Variants in KHNYN observed in about 807,000 individuals in gnomAD.
KHNYN encodes the protein KH and NYN domain containing.
KHNYN carries 42 observed loss-of-function variants against 62.7 expected under a neutral mutation model. The ratio of observed to expected loss-of-function variants is 0.67; its 90% CI spans 0.52 to 0.87. The LOEUF (loss-of-function observed/expected upper bound fraction) is 0.87. Among genes scored for constraint, KHNYN ranks in the 40% least tolerant of loss-of-function variants. KHNYN has a pLI of 0.00. For missense variants in KHNYN, 829 were observed against 874.1 expected (o/e 0.95, Z 0.65); for synonymous variants, 347 against 345.6 (o/e 1.00, Z -0.04).
In KHNYN at chr14:24,429,964, C is replaced by T. The variant is rs2043073017; in HGVS notation, c.-173C>T. On this transcript the variant is annotated 5_prime_UTR_variant, in exon 1 of 8. Coordinates refer to ENST00000553935, the MANE Select transcript of KHNYN (RefSeq NM_015299.3). ...AGTGACTCAAGAAACAGTTTGCGTG[C>T]GATGTGGACAAGAGAGGTCCCCGCT... 1.0e-6 allele frequency: 1 copy of T among 992,796 alleles called. No individual in the cohort carries two copies. The highest frequency in any genetic ancestry group is 1.2e-6 in the Non-Finnish European group (1 of 833,738). The allele number at this position is 992,796 out of a possible 1,614,324, so 61.5% of individuals were successfully genotyped here. A position where few individuals can be genotyped will look rare whatever the true frequency, so the allele number is the denominator to read the frequency against.
At position 24,432,876 on chromosome 14, in the gene KHNYN, G is replaced by A; in HGVS notation, c.1480+24G>A. The A allele has an allele frequency of 6.2e-7, 1 of 1,614,220 alleles. No individual in the cohort carries two copies. Among genetic ancestry groups the A allele is most frequent in the Non-Finnish European group, 8.5e-7 (1 of 1,180,020 alleles). On this transcript the variant is annotated intron_variant, in intron 4 of 7. Coordinates refer to ENST00000553935, the MANE Select transcript of KHNYN (RefSeq NM_015299.3). The surrounding 1 kb of genome is among the most constrained non-coding windows in gnomAD (Gnocchi z 5.6). ...AGGTGAGTTGGGCCTGGTCTTCAGTGTCCCAGGATAGGCTCTGTTTCCACT... is the reference window on the plus strand; with the variant it reads ...AGGTGAGTTGGGCCTGGTCTTCAGTATCCCAGGATAGGCTCTGTTTCCACT...
upstream of KHNYN, chr14:24,428,920 G>C (rs1594749849): frequency 1.3e-6 from 2 of 1,564,212 alleles, no homozygotes; most frequent in Non-Finnish European, 1.7e-6. Flanking sequence ...AGACCACCAG[G>C]CACTCCCCCT....
Position 24,432,339 on chromosome 14 carries a change from C to T in KHNYN, c.1078C>T (p.Pro360Ser). The change falls in exon 3 of 8, where the codon CCT becomes TCT. Residue 360 changes from proline to serine, a missense_variant. Physicochemically the swap from Pro to Ser is moderately conservative, Grantham distance 74. Around this residue, in one of 2 missense-constraint regions of KHNYN, gnomAD observed 559 missense variants for 527.0 expected, o/e 1.06. Coordinates refer to ENST00000553935, the MANE Select transcript of KHNYN (RefSeq NM_015299.3). This position sits in a 1 kb window ranked among gnomAD's most constrained non-coding sequence, Gnocchi z 5.6. Reference protein sequence around the residue: ...GNASPPRVPSPPPAPEPPWHC... With the variant: ...GNASPPRVPSSPPAPEPPWHC... ...TGCCTCTCCTCCGAGGGTGCCCAGC[C>T]CTCCACCTGCACCGGAACCCCCATG... 1.2e-6 allele frequency: 2 copies of T among 1,614,038 alleles called. No individual in the cohort carries two copies. The highest frequency in any genetic ancestry group is 2.2e-5 in the East Asian group (1 of 44,860).
intron 7 of KHNYN, among the ~76,000 whole-genome samples, chr14:24,436,811 A>G (rs2043211994): frequency 6.6e-6 from 1 of 152,228 alleles, no homozygotes. Flanking sequence ...ATTTAGGACT[A>G]GAACTAGATC....
chr14:24,436,624 T>A, intron 7 of KHNYN, 135 bp downstream of exon 7: 1 of 646,886 alleles, frequency 1.5e-6, no homozygotes, highest in Non-Finnish European at 2.6e-6. Context: ...GCATTGGCCT[T>A]GGCCTTTATA....
upstream of KHNYN, among the ~76,000 whole-genome samples, chr14:24,424,657 G>T (rs748943841): frequency 1.3e-5 from 2 of 152,174 alleles, no homozygotes; most frequent in Non-Finnish European, 2.9e-5. Context: ...GTGGTAGAAA[G>T]GTAGGCCTGA....
In KHNYN at chr14:24,441,006, C is replaced by CAG. The variant is rs1566507072; in HGVS notation, c.*3722_*3723insGA. The CAG allele has an allele frequency of 1.4e-6, 2 of 1,453,162 alleles. No individual in the cohort carries two copies. Among genetic ancestry groups the CAG allele is most frequent in the Non-Finnish European group, 1.9e-6 (2 of 1,041,170 alleles). The allele number at this position is 1,453,162 out of a possible 1,614,324, so 90.0% of individuals were successfully genotyped here. On this transcript the variant is annotated 3_prime_UTR_variant, in exon 8 of 8. Transcript: ENST00000553935. Reference sequence around the variant, plus strand: ...CTGTAGTGGAGGCTCCCCTTGGCCTCACCTTCTCTGGCCCTTAGGATCTCC... The same window carrying CAG: ...CTGTAGTGGAGGCTCCCCTTGGCCTCAGACCTTCTCTGGCCCTTAGGATCTCC...
chr14:24,426,752 C>G (rs753406853), upstream of KHNYN: 1 of 152,156 alleles, frequency 6.6e-6, no homozygotes, highest in Non-Finnish European at 1.5e-5. Flanking sequence ...GTTTAGCATA[C>G]TGGCAGGAGA....
At chr14:24,430,972 C>T in intron 2 of KHNYN, 41 bp downstream of exon 2, 1 of 1,567,762 alleles carries the variant, frequency 6.4e-7, no homozygotes, top group South Asian at 1.2e-5. Context: ...GCACCAAGGA[C>T]GCTTTCCCCC....
chr14:24,436,156 G>C lies in KHNYN; in HGVS notation c.1662G>C (p.Lys554Asn), dbSNP rs147663422. 8 of 1,613,910 alleles carry C rather than the reference G, an allele frequency of 5.0e-6. No individual in the cohort carries two copies. Among genetic ancestry groups the C allele is most frequent in the Non-Finnish European group, 6.8e-6 (8 of 1,179,812 alleles). Residue 554 changes from lysine to asparagine, a missense_variant, in exon 6 of 8, where the codon AAG becomes AAC. Physicochemically the swap from Lys to Asn is moderately conservative, Grantham distance 94. Coordinates refer to ENST00000553935, the MANE Select transcript of KHNYN (RefSeq NM_015299.3). ...GGGACCTGGCGGAGGAGTCTGAGAA[G>C]TGGATGGCAATCATCAGAGAACGGT... ...QFRDLAEESE[K>N]WMAIIRERLL...
upstream of KHNYN, chr14:24,428,674 A>G: frequency 6.9e-7 from 1 of 1,451,264 alleles, no homozygotes; most frequent in Non-Finnish European, 9.3e-7. Flanking sequence ...AGCCTCAGAG[A>G]CAGCAAAGTG....
In KHNYN at chr14:24,440,382, T is replaced by C. The variant is rs200399285; in HGVS notation, c.*3097T>C. 4.0e-4 allele frequency: 652 copies of C among 1,613,912 alleles called. 3 individuals are homozygous for C. In the African/African-American group the frequency reaches 7.6e-3, roughly 19 times the overall value. On this transcript the variant is annotated 3_prime_UTR_variant, in exon 8 of 8. Coordinates refer to ENST00000553935, the MANE Select transcript of KHNYN (RefSeq NM_015299.3). ...GTCAGGATTCCTGCCAGGTCCCCGA[T>C]GTGTATCCAGGGGAAGAATTGGTGG...
upstream of KHNYN, chr14:24,427,374 G>A: frequency 9.8e-6 from 2 of 203,402 alleles, no homozygotes; most frequent in Non-Finnish European, 2.0e-5. The surrounding 1 kb of genome is among the most constrained non-coding windows in gnomAD (Gnocchi z 4.4). Context: ...TGCAGGGTAC[G>A]CTGAGGCTTG....
upstream of KHNYN, chr14:24,429,187 A>G (rs2043059979): frequency 2.2e-6 from 2 of 903,378 alleles, no homozygotes; most frequent in Admixed American, 5.7e-5. Flanking sequence ...CCCTCTCCAT[A>G]CCTGTGTCCC....
At chr14:24,428,344 C>T (rs1268234052), upstream of KHNYN, 41 of 1,613,930 alleles carry the variant, frequency 2.5e-5, no homozygotes, top group African/African-American at 5.3e-5. Context: ...GTAGACACCC[C>T]GGACAGGGGC....
rs748741882 is a variant in KHNYN at position 24,440,931 on chromosome 14, C to T, written c.*3646C>T. 3.7e-5 allele frequency: 59 copies of T among 1,613,844 alleles called. No homozygotes were observed. Among genetic ancestry groups the T allele is most frequent in the Middle Eastern group, 3.3e-4 (2 of 6,084 alleles). On this transcript the variant is annotated 3_prime_UTR_variant, in exon 8 of 8. Transcript: ENST00000553935. Reference sequence around the variant, plus strand: ...TCAGACTGGGCTGGTAGTAAGCTGCCGGTGGAACACAATCATTTGCCCTGG... The same window carrying T: ...TCAGACTGGGCTGGTAGTAAGCTGCTGGTGGAACACAATCATTTGCCCTGG...
Position 24,439,462 on chromosome 14 carries a change from T to C in KHNYN, c.*2177T>C, listed in dbSNP as rs576530519. On this transcript the variant is annotated 3_prime_UTR_variant, in exon 8 of 8. Transcript: ENST00000553935. ...TGGTGACACAGACTGAAGGCTATCC[T>C]ACACCTGGGCCTTACCTCTTCCTCT... 1 of 152,404 alleles carries C rather than the reference T, an allele frequency of 6.6e-6. No homozygotes were observed. The highest frequency in any genetic ancestry group is 2.4e-5 in the African/African-American group (1 of 41,562). 9.4% of individuals were successfully genotyped at this position (152,404 alleles called of 1,614,324 possible). A position where few individuals can be genotyped will look rare whatever the true frequency, so the allele number is the denominator to read the frequency against.
chr14:24,435,546 A>T (rs75902322), intron 5 of KHNYN: 4,388 of 155,178 alleles, frequency 0.028, 201 homozygotes, highest in African/African-American at 0.1. Context: ...TGGGGTGGTA[A>T]TGGTGGGCCT....
At chr14:24,426,362 A>G (rs1191103324), upstream of KHNYN, among the ~76,000 whole-genome samples, 3 of 150,708 alleles carry the variant, frequency 2.0e-5, no homozygotes, top group Non-Finnish European at 4.4e-5. Context: ...GGTTTTTGGT[A>G]TTTTTTTTTA....
Sources: allele counts gnomAD v4.1 joint callset (sites outside exome capture counted in the v4.1 genomes callset), GRCh38; gene constraint gnomAD v4.1.1; regional missense constraint gnomAD v4.1.1; non-coding constraint Gnocchi (gnomAD v3.1); transcripts MANE v1.5; gene names NCBI Gene and HGNC (gene_info 2026-07-23, HGNC 2026-07-21).